The following SDK1 variants were observed in gnomAD, a reference collection of about 807,000 sequenced individuals.
SDK1 encodes the protein sidekick cell adhesion molecule 1.
A neutral mutation model predicts 245.5 loss-of-function variants in SDK1; 157 were observed. The ratio of observed to expected loss-of-function variants is 0.64; its 90% CI spans 0.56 to 0.73. The LOEUF (loss-of-function observed/expected upper bound fraction) is 0.73, where lower values mean the gene tolerates loss of function less well. SDK1 is among the 30% of genes least tolerant of loss of function. The pLI is 0.00. For synonymous variants in SDK1, 1,647 were observed against 1,278.5 expected, an observed-to-expected ratio of 1.29 and a Z score of -6.15; for missense variants, 3,583 against 3,002.3, an observed-to-expected ratio of 1.19 and a Z score of -4.52.
chr7:4,035,069 C>G (rs930145785), intron 17 of SDK1, among the ~76,000 whole-genome samples: 1 of 152,204 alleles, frequency 6.6e-6, no homozygotes, highest in Non-Finnish European at 1.5e-5. Context: ...ACTTCCACCT[C>G]CCGGGTTCAA....
intron 25 of SDK1, among the ~76,000 whole-genome samples, chr7:4,117,161 T>C (rs1783766910): frequency 6.6e-6 from 1 of 152,194 alleles, no homozygotes; most frequent in South Asian, 2.1e-4. Flanking sequence ...GGATAAAATA[T>C]AACTTTCTGG....
chr7:3,500,274 C>T (rs1474770376), intron 1 of SDK1, among the ~76,000 whole-genome samples: 1 of 152,158 alleles, frequency 6.6e-6, no homozygotes, highest in East Asian at 1.9e-4. Context: ...CTTATATCCC[C>T]TATTTTCTCC....
chr7:3,590,011 C>T (rs1780812378), intron 1 of SDK1, among the ~76,000 whole-genome samples: 1 of 152,152 alleles, frequency 6.6e-6, no homozygotes, highest in Non-Finnish European at 1.5e-5. Context: ...GGTGCTAGGC[C>T]AGGATATACG....
At chr7:3,375,195 A>G (rs1781323861) in intron 1 of SDK1, among the ~76,000 whole-genome samples, 1 of 145,910 alleles carries the variant, frequency 6.9e-6, no homozygotes. Flanking sequence ...AAAAAAAAAA[A>G]TTGTGCATTG....
chr7:3,359,737 G>C (rs1780902490), intron 1 of SDK1, among the ~76,000 whole-genome samples: 1 of 152,192 alleles, frequency 6.6e-6, no homozygotes, highest in Admixed American at 6.5e-5. Context: ...CAGGAGTTCA[G>C]TAATTGTGAG....
At chr7:3,775,711 G>A (rs867671795) in intron 4 of SDK1, among the ~76,000 whole-genome samples, 35 of 151,740 alleles carry the variant, frequency 2.3e-4, no homozygotes, top group Non-Finnish European at 2.6e-4. Context: ...CGAGTAGCTG[G>A]GACTACAGGC....
chr7:3,625,542 A>T (rs1417545903), intron 2 of SDK1, among the ~76,000 whole-genome samples: 1 of 152,202 alleles, frequency 6.6e-6, no homozygotes, highest in African/African-American at 2.4e-5. Flanking sequence ...GCACCAGTGC[A>T]GGGATCCCTT....
intron 1 of SDK1, among the ~76,000 whole-genome samples, chr7:3,469,281 A>G: frequency 6.6e-6 from 1 of 152,142 alleles, no homozygotes. Context: ...CAAATGAAAC[A>G]TTAGTCAGGG....
chr7:3,476,276 A>G (rs1207764009), intron 1 of SDK1, among the ~76,000 whole-genome samples: 4 of 152,168 alleles, frequency 2.6e-5, no homozygotes, highest in Admixed American at 2.0e-4. Flanking sequence ...ATTACACAGG[A>G]TTCCATCACC....
intron 1 of SDK1, among the ~76,000 whole-genome samples, chr7:3,435,401 G>A (rs1367309383): frequency 2.2e-5 from 3 of 134,368 alleles, no homozygotes; most frequent in African/African-American, 8.5e-5. Context: ...CTTGATCTCA[G>A]CTCACTGCAA....
chr7:4,142,022 TG>T (rs1286481158), intron 28 of SDK1, among the ~76,000 whole-genome samples: 1 of 152,100 alleles, frequency 6.6e-6, no homozygotes, highest in Non-Finnish European at 1.5e-5. Flanking sequence ...CCCAAAGTGC[TG>T]GGATCATAGG....
intron 4 of SDK1, among the ~76,000 whole-genome samples, chr7:3,734,472 C>T (rs1779265618): frequency 6.6e-6 from 1 of 150,690 alleles, no homozygotes; most frequent in African/African-American, 2.5e-5. Flanking sequence ...TAAGAATGAT[C>T]CTTGAAAAGG....
At chr7:3,556,292 G>C (rs547289566) in intron 1 of SDK1, among the ~76,000 whole-genome samples, 2 of 152,244 alleles carry the variant, frequency 1.3e-5, no homozygotes, top group South Asian at 4.1e-4. Flanking sequence ...AGTGGAGTAG[G>C]TCAAGCACAG....
In SDK1 at chr7:3,582,683, T is replaced by TAAAA. The variant is rs71029682; in HGVS notation, c.299-36374_299-36371dup. 1.0e-3 allele frequency among the ~76,000 whole-genome samples: 73 copies of TAAAA among 69,680 alleles called. 6 individuals are homozygous for TAAAA. The highest frequency in any genetic ancestry group is 3.6e-3 in the African/African-American group (63 of 17,700). 45.7% of individuals were successfully genotyped at this position (69,680 alleles called of 152,430 possible). On this transcript the variant is annotated intron_variant, in intron 1 of 44. Coordinates refer to ENST00000404826, the MANE Select transcript of SDK1 (RefSeq NM_152744.4). ...ATGTAGCCCTGAACCTAAACTAAAGTAAAAAAAAAAAAAAAAAAAAAAAAA... is the reference window on the plus strand; with the variant it reads ...ATGTAGCCCTGAACCTAAACTAAAGTAAAAAAAAAAAAAAAAAAAAAAAAAAAAA...
chr7:4,241,988 T>C (rs1472822243), intron 43 of SDK1, 75 bp downstream of exon 43: 16 of 1,538,660 alleles, frequency 1.0e-5, no homozygotes, highest in African/African-American at 1.4e-5. Context: ...CCACGCCCAC[T>C]GGCACCTCCT....
intron 1 of SDK1, among the ~76,000 whole-genome samples, chr7:3,327,142 G>A (rs1013881289): frequency 6.6e-6 from 1 of 152,152 alleles, no homozygotes; most frequent in East Asian, 1.9e-4. Flanking sequence ...ATCTTAAGAA[G>A]AATATTGACA....
At chr7:3,382,136 A>G (rs941995502) in intron 1 of SDK1, among the ~76,000 whole-genome samples, 1 of 151,794 alleles carries the variant, frequency 6.6e-6, no homozygotes, top group Non-Finnish European at 1.5e-5. Flanking sequence ...TTTCAAACTT[A>G]AACATTTTTT....
At chr7:4,186,052 C>T (rs1283710903) in intron 35 of SDK1, among the ~76,000 whole-genome samples, 2 of 152,194 alleles carry the variant, frequency 1.3e-5, no homozygotes, top group East Asian at 3.9e-4. Flanking sequence ...CTCCTGTTTG[C>T]TCTGCAACTA....
rs1423082555 is a variant in SDK1 at position 4,266,516 on chromosome 7, C to A, written c.*1132C>A. 4 of 985,316 alleles carry A rather than the reference C, an allele frequency of 4.1e-6. No homozygotes were observed. In the South Asian group the frequency reaches 1.4e-4, roughly 35 times the overall value. The allele number at this position is 985,316 out of a possible 1,614,324, so 61.0% of individuals were successfully genotyped here. On this transcript the variant is annotated 3_prime_UTR_variant, in exon 45 of 45. Transcript: ENST00000404826. ...TTCTCCACCACTGGCGCTGCTGCTG[C>A]CCCCTCTCCCAGTCCGAGGCCAGCT...
Sources: allele counts gnomAD v4.1 joint callset (sites outside exome capture counted in the v4.1 genomes callset), GRCh38; gene constraint gnomAD v4.1.1; transcripts MANE v1.5; gene names NCBI Gene and HGNC (gene_info 2026-07-23, HGNC 2026-07-21).